Variants in DMXL2 observed in about 807,000 individuals in gnomAD.
DMXL2 encodes Dmx like 2.
A neutral mutation model predicts 331.1 loss-of-function variants in DMXL2; 103 were observed. The observed-to-expected ratio is 0.31, with a 90% CI of 0.27 to 0.37. The LOEUF is 0.37. Ranked by LOEUF, DMXL2 falls within the 10% of genes least tolerant of loss-of-function variation. The pLI, the probability that DMXL2 is intolerant of heterozygous loss-of-function variation, is 1.00. For missense variants in DMXL2, 3,171 were observed against 3,642.9 expected, an observed-to-expected ratio of 0.87 and a Z score of 3.33; for synonymous variants, 1,281 against 1,252.1, an observed-to-expected ratio of 1.02 and a Z score of -0.49.
At chr15:51,585,633 T>C (rs537462372) in intron 1 of DMXL2, among the ~76,000 whole-genome samples, 13 of 152,146 alleles carry the variant, frequency 8.5e-5, no homozygotes, top group Non-Finnish European at 1.6e-4. Flanking sequence ...CAACTGCAAA[T>C]TGTCTTCCAA....
chr15:51,570,068 T>C (rs1596294783), intron 2 of DMXL2, among the ~76,000 whole-genome samples: 2 of 152,070 alleles, frequency 1.3e-5, no homozygotes, highest in East Asian at 1.9e-4. Context: ...AAATTGCTAA[T>C]GAGAATAATC....
intron 1 of DMXL2, among the ~76,000 whole-genome samples, chr15:51,602,974 G>A (rs1011687157): frequency 6.6e-6 from 1 of 152,150 alleles, no homozygotes; most frequent in Non-Finnish European, 1.5e-5. Context: ...CACAGATGTT[G>A]AAATCAACTG....
At chr15:51,575,682 G>A (rs987508003) in intron 2 of DMXL2, among the ~76,000 whole-genome samples, 4 of 152,104 alleles carry the variant, frequency 2.6e-5, no homozygotes, top group African/African-American at 9.7e-5. Flanking sequence ...AACTTGCAGA[G>A]TTTCTTAATA....
chr15:51,486,060 C>T lies in DMXL2; in HGVS notation c.5482+13G>A, dbSNP rs1555418480. ...TTAAAAAAGAAAAAAAAGAAATCCA[C>T]AAAACGTCCTACCTTGATGTTCATC... On this transcript the variant is annotated intron_variant, in intron 23 of 43. Coordinates refer to ENST00000560891, the MANE Select transcript of DMXL2 (RefSeq NM_001378457.1). 1 of 1,542,586 alleles carries T rather than the reference C, an allele frequency of 6.5e-7. No individual in the cohort carries two copies. Among genetic ancestry groups the T allele is most frequent in the Admixed American group, 2.0e-5 (1 of 50,000 alleles).
chr15:51,448,558 C>T lies in DMXL2; in HGVS notation c.*426G>A. On this transcript the variant is annotated 3_prime_UTR_variant, in exon 44 of 44. Coordinates refer to ENST00000560891, the MANE Select transcript of DMXL2 (RefSeq NM_001378457.1). Reference sequence around the variant, plus strand: ...GTGGTCTAGCGCTCCTAACAAACACCTTATGATTATCCTTCATTCAACAGA... The same window carrying T: ...GTGGTCTAGCGCTCCTAACAAACACTTTATGATTATCCTTCATTCAACAGA... The T allele has an allele frequency of 4.4e-6, 1 of 225,934 alleles. No individual in the cohort carries two copies. The highest frequency in any genetic ancestry group is 1.1e-4 in the East Asian group (1 of 9,166). 14.0% of individuals were successfully genotyped at this position (225,934 alleles called of 1,614,324 possible). A position where few individuals can be genotyped will look rare whatever the true frequency, so the allele number is the denominator to read the frequency against.
chr15:51,590,166 A>AG (rs149512737), intron 1 of DMXL2, among the ~76,000 whole-genome samples: 1,761 of 152,332 alleles, frequency 0.012, 27 homozygotes, highest in East Asian at 0.026. Context: ...GCCATAGGCT[A>AG]GCCAGCAAGC....
chr15:51,498,400 G>A, intron 18 of DMXL2, 152 bp downstream of exon 18: 1 of 683,880 alleles, frequency 1.5e-6, no homozygotes, highest in Non-Finnish European at 2.4e-6. Flanking sequence ...TTCTAACTGA[G>A]CATATTATAT....
chr15:51,560,776 T>C (rs1314508978), intron 6 of DMXL2, among the ~76,000 whole-genome samples: 1 of 151,712 alleles, frequency 6.6e-6, no homozygotes, highest in Admixed American at 6.6e-5. Flanking sequence ...GAGTGAAACT[T>C]TTTTAAATAA....
chr15:51,532,997 T>C (rs1464625250), intron 13 of DMXL2, among the ~76,000 whole-genome samples: 2 of 152,158 alleles, frequency 1.3e-5, no homozygotes, highest in African/African-American at 2.4e-5. Context: ...CAAAATTCAA[T>C]TGTATTTGTA....
chr15:51,612,653 C>T (rs1197645639), intron 1 of DMXL2, among the ~76,000 whole-genome samples: 6 of 152,126 alleles, frequency 3.9e-5, no homozygotes, highest in African/African-American at 1.2e-4. Context: ...TAAAATATCA[C>T]AAGACAAATG....
intron 13 of DMXL2, among the ~76,000 whole-genome samples, 172 bp from the exon 14 acceptor site, chr15:51,517,339 T>C (rs2047091502): frequency 6.6e-6 from 1 of 152,228 alleles, no homozygotes; most frequent in African/African-American, 2.4e-5. Context: ...ATGTTAAGTC[T>C]AAAGTTAAGC....
chr15:51,562,117 G>T (rs1296977781), intron 6 of DMXL2, among the ~76,000 whole-genome samples: 1 of 152,082 alleles, frequency 6.6e-6, no homozygotes. Context: ...TAGAAGATTT[G>T]AAATGTTACC....
At chr15:51,547,573 T>A (rs923818278) in intron 6 of DMXL2, among the ~76,000 whole-genome samples, 165 bp from the exon 7 acceptor site, 6 of 152,164 alleles carry the variant, frequency 3.9e-5, no homozygotes, top group African/African-American at 1.4e-4. Context: ...AGAAAACTAT[T>A]CTTGAAAAAT....
intron 2 of DMXL2, 102 bp downstream of exon 2, chr15:51,575,954 C>A: frequency 8.3e-7 from 1 of 1,206,262 alleles, no homozygotes; most frequent in Non-Finnish European, 1.2e-6. Flanking sequence ...CCAAGCAATA[C>A]ATAAGAAATT....
rs74481965 is a variant in DMXL2, at chr15:51,539,789, C to T, written c.1106-1337G>A. On this transcript the variant is annotated intron_variant, in intron 9 of 43. Transcript: ENST00000560891. ...GACACAGCAAGACCCTGTCCTCCTCCGCCCAAAAAATGGTATAAATCAAAA... is the reference window on the plus strand; with the variant it reads ...GACACAGCAAGACCCTGTCCTCCTCTGCCCAAAAAATGGTATAAATCAAAA... 8.1e-3 allele frequency among the ~76,000 whole-genome samples: 1,234 copies of T among 152,066 alleles called. 8 individuals are homozygous for T. The highest frequency in any genetic ancestry group is 0.014 in the Non-Finnish European group (968 of 67,982).
intron 1 of DMXL2, among the ~76,000 whole-genome samples, chr15:51,591,411 G>C (rs908556862): frequency 2.0e-5 from 3 of 152,192 alleles, no homozygotes; most frequent in Non-Finnish European, 2.9e-5. Flanking sequence ...GCCCAGCCTT[G>C]AGTAGGTAAA....
At chr15:51,501,743 A>G (rs893802756) in intron 17 of DMXL2, among the ~76,000 whole-genome samples, 5 of 151,216 alleles carry the variant, frequency 3.3e-5, no homozygotes, top group African/African-American at 1.2e-4. Context: ...ACACAGTGAA[A>G]CCCCGTCTCT....
intron 26 of DMXL2, among the ~76,000 whole-genome samples, chr15:51,477,972 T>C (rs2140349273): frequency 6.6e-6 from 1 of 152,186 alleles, no homozygotes; most frequent in South Asian, 2.1e-4. Flanking sequence ...GGAAAAACAA[T>C]TAGAAAATTT....
Position 51,450,119 on chromosome 15 carries a change from A to G in DMXL2, c.8967+10T>C. ...TCTTTAGCACATTCCAACCTCTTGT[A>G]CTGACTCACCTTTATGTTACCTTCT... On this transcript the variant is annotated intron_variant, in intron 43 of 43. Coordinates refer to ENST00000560891, the MANE Select transcript of DMXL2 (RefSeq NM_001378457.1). The G allele has an allele frequency of 1.2e-6, 2 of 1,612,714 alleles. No homozygotes were observed. Among genetic ancestry groups the G allele is most frequent in the Non-Finnish European group, 1.7e-6 (2 of 1,179,056 alleles).
Sources: allele counts gnomAD v4.1 joint callset (sites outside exome capture counted in the v4.1 genomes callset), GRCh38; gene constraint gnomAD v4.1.1; transcripts MANE v1.5; gene names NCBI Gene and HGNC (gene_info 2026-07-23, HGNC 2026-07-21).